The following MYRFL variants were observed in gnomAD, a reference collection of about 807,000 sequenced individuals.
MYRFL encodes the protein myelin regulatory factor-like protein.
A neutral mutation model predicts 109.4 loss-of-function variants in MYRFL; 88 were observed. That is an observed-to-expected ratio of 0.80 (90% CI 0.68 to 0.96). The LOEUF is 0.96. Among genes scored for constraint, MYRFL ranks in the 40% least tolerant of loss-of-function variants. MYRFL has a pLI of 0.00. For synonymous variants in MYRFL, 324 were observed against 320.9 expected (o/e 1.01, Z -0.10); for missense variants, 957 against 954.9 (o/e 1.00, Z -0.03).
chr12:69,866,737 C>G (rs765708847), intron 2 of MYRFL, among the ~76,000 whole-genome samples: 3 of 152,156 alleles, frequency 2.0e-5, no homozygotes, highest in Non-Finnish European at 4.4e-5. Flanking sequence ...GGCAGATTTT[C>G]AGATCTTAAA....
At chr12:69,898,037 C>A (rs1160897909) in intron 10 of MYRFL, among the ~76,000 whole-genome samples, 1 of 152,168 alleles carries the variant, frequency 6.6e-6, no homozygotes, top group Non-Finnish European at 1.5e-5. Context: ...CCTGGAAGCC[C>A]TGGGAGGGGC....
chr12:69,836,325 G>A (rs995600597), intron 1 of MYRFL, among the ~76,000 whole-genome samples: 2 of 152,132 alleles, frequency 1.3e-5, no homozygotes, highest in Non-Finnish European at 2.9e-5. Flanking sequence ...GATGGGGGAC[G>A]TGGCAGGCCA....
rs1243494383 is a variant in MYRFL, at chr12:69,864,688, C to G, written c.137+9318C>G. On this transcript the variant is annotated intron_variant, in intron 2 of 24. Transcript: ENST00000552032. ...ACACACAAACACACACACACACACA[C>G]AGAGCTAGTAGGTTGCCAAATGTCT... Among the ~76,000 whole-genome samples, 81 of 146,880 alleles carry G rather than the reference C, an allele frequency of 5.5e-4. 2 individuals are homozygous for G. Among genetic ancestry groups the G allele is most frequent in the Admixed American group, 5.5e-3 (80 of 14,534 alleles).
At chr12:69,837,959 AATGT>A (rs1019790095) in intron 1 of MYRFL, among the ~76,000 whole-genome samples, 1 of 152,120 alleles carries the variant, frequency 6.6e-6, no homozygotes, top group African/African-American at 2.4e-5. Context: ...CAGTCACTCA[AATGT>A]ATGTGTTGAG....
intron 19 of MYRFL, among the ~76,000 whole-genome samples, chr12:69,950,141 T>C (rs551288100): frequency 1.3e-5 from 2 of 152,304 alleles, no homozygotes; most frequent in South Asian, 4.2e-4. Context: ...TGCTTATCTT[T>C]AGAGACCACA....
At chr12:69,925,926 G>T (rs749422842) in intron 13 of MYRFL, among the ~76,000 whole-genome samples, 6 of 152,226 alleles carry the variant, frequency 3.9e-5, no homozygotes, top group East Asian at 1.9e-4. Context: ...ATTGCATTTT[G>T]TCTGGAGTCT....
intron 10 of MYRFL, among the ~76,000 whole-genome samples, chr12:69,899,484 C>G (rs1313527458): frequency 6.6e-6 from 1 of 152,124 alleles, no homozygotes; most frequent in Non-Finnish European, 1.5e-5. Context: ...TAGGCCATGG[C>G]CTGGTTCTGT....
Position 69,890,966 on chromosome 12 carries a change from C to A in MYRFL, c.708-5C>A. The A allele has an allele frequency of 6.9e-7, 1 of 1,457,726 alleles. No homozygotes were observed. The highest frequency in any genetic ancestry group is 9.0e-7 in the Non-Finnish European group (1 of 1,109,884). 90.3% of individuals were successfully genotyped at this position (1,457,726 alleles called of 1,614,324 possible). On this transcript the variant is annotated splice_polypyrimidine_tract_variant and splice_region_variant and intron_variant, in intron 6 of 24. Coordinates refer to ENST00000552032, the MANE Select transcript of MYRFL (RefSeq NM_182530.3). ...AAACTGGTTTCTTGGTTTCTCTTTTCATAGACCTGATGTGGGCTATCGAGT... is the reference window on the plus strand; with the variant it reads ...AAACTGGTTTCTTGGTTTCTCTTTTAATAGACCTGATGTGGGCTATCGAGT...
intron 19 of MYRFL, among the ~76,000 whole-genome samples, chr12:69,942,806 T>C (rs1330612061): frequency 6.6e-6 from 1 of 151,510 alleles, no homozygotes; most frequent in East Asian, 1.9e-4. Flanking sequence ...CAGCCCAAAA[T>C]CTCCTTAAGC....
intron 19 of MYRFL, among the ~76,000 whole-genome samples, chr12:69,938,782 C>T (rs1466770158): frequency 7.9e-5 from 12 of 152,140 alleles, no homozygotes; most frequent in Non-Finnish European, 1.5e-4. Flanking sequence ...TCTGAGGTAC[C>T]GGGTTCATCT....
Position 69,958,582 on chromosome 12 carries a change from T to A in MYRFL, c.*51T>A. 7.6e-7 allele frequency: 1 copy of A among 1,315,240 alleles called. No individual in the cohort carries two copies. The highest frequency in any genetic ancestry group is 1.0e-6 in the Non-Finnish European group (1 of 964,410). 81.5% of individuals were successfully genotyped at this position (1,315,240 alleles called of 1,614,324 possible). On this transcript the variant is annotated 3_prime_UTR_variant, in exon 25 of 25. Transcript: ENST00000552032. The stretch of plus-strand genomic sequence containing the variant: ...AAAGAAAAATACTCAGGAATACATT[T>A]AACAGAAACGAACATCCTCTTGCAA...
intron 2 of MYRFL, among the ~76,000 whole-genome samples, chr12:69,867,685 A>T (rs540267795): frequency 2.6e-5 from 4 of 152,316 alleles, no homozygotes; most frequent in African/African-American, 9.6e-5. Context: ...ATGAATTAGG[A>T]GTCAATTACC....
intron 19 of MYRFL, chr12:69,946,452 G>A (rs931436228): frequency 4.3e-5 from 6 of 140,938 alleles, no homozygotes; most frequent in Admixed American, 2.1e-4. Context: ...GAACAGCTAC[G>A]CAAGTGGCAC....
intron 1 of MYRFL, among the ~76,000 whole-genome samples, chr12:69,834,390 A>T (rs1344008328): frequency 5.9e-5 from 9 of 152,176 alleles, no homozygotes; most frequent in African/African-American, 2.2e-4. Context: ...CTTCCTAGGA[A>T]TCTCTGTGGT....
intron 7 of MYRFL, among the ~76,000 whole-genome samples, chr12:69,893,197 T>C (rs1182619796): frequency 6.6e-6 from 1 of 152,232 alleles, no homozygotes; most frequent in Non-Finnish European, 1.5e-5. Context: ...ACCCACCAGT[T>C]GTATATTACA....
chr12:69,850,337 A>C (rs1180072267), intron 1 of MYRFL, among the ~76,000 whole-genome samples: 1 of 152,022 alleles, frequency 6.6e-6, no homozygotes, highest in East Asian at 1.9e-4. Flanking sequence ...AAATGATCTT[A>C]TATGCACTAT....
intron 21 of MYRFL, among the ~76,000 whole-genome samples, chr12:69,953,428 G>A (rs1956026015): frequency 6.6e-6 from 1 of 152,114 alleles, no homozygotes; most frequent in Non-Finnish European, 1.5e-5. Context: ...GAAGCAGAGG[G>A]TGCAAGTTGC....
chr12:69,928,081 C>T (rs1443496911), intron 15 of MYRFL, among the ~76,000 whole-genome samples: 1 of 152,162 alleles, frequency 6.6e-6, no homozygotes, highest in Non-Finnish European at 1.5e-5. Flanking sequence ...ACCGCCACCC[C>T]CTTATCTTTG....
chr12:69,929,381 T>C (rs1955200251), intron 15 of MYRFL, among the ~76,000 whole-genome samples: 1 of 152,186 alleles, frequency 6.6e-6, no homozygotes, highest in Non-Finnish European at 1.5e-5. Flanking sequence ...AGAACAGTTG[T>C]ACCTGGATGT....
Sources: gnomAD v4.1 joint callset for allele counts (sites outside exome capture counted in the v4.1 genomes callset) on GRCh38, gnomAD v4.1.1 for gene constraint, MANE v1.5 for transcripts, NCBI Gene and HGNC (gene_info 2026-07-23, HGNC 2026-07-21) for gene names.